Variants in ATP8A2 observed in about 807,000 individuals in gnomAD.
ATP8A2 encodes the protein ATPase phospholipid transporting 8A2.
In ATP8A2, 100 loss-of-function variants were observed where a neutral mutation model predicts 165.6. The ratio of observed to expected loss-of-function variants is 0.60; its 90% CI spans 0.51 to 0.71. The LOEUF is 0.71. ATP8A2 is among the 30% of genes least tolerant of loss of function. The pLI is 0.00. For synonymous variants in ATP8A2, 543 were observed against 548.8 expected (o/e 0.99, Z 0.15); for missense variants, 1,227 against 1,479.5 (o/e 0.83, Z 2.80).
In ATP8A2 at chr13:25,563,937, T is replaced by A; in HGVS notation, c.1398-19T>A. On this transcript the variant is annotated intron_variant, in intron 15 of 36. Transcript: ENST00000381655. ...AGAAACTTTTAAATTGAATAAATTT[T>A]CTCTGTTCTCTCTTACAGTCGGATG... is the stretch of plus-strand genomic sequence containing the variant. The A allele has an allele frequency of 2.5e-6, 4 of 1,579,572 alleles. No individual in the cohort carries two copies. Among genetic ancestry groups the A allele is most frequent in the Non-Finnish European group, 3.5e-6 (4 of 1,148,902 alleles).
intron 35 of ATP8A2, among the ~76,000 whole-genome samples, chr13:25,991,855 G>T (rs914055514): frequency 1.3e-5 from 2 of 150,410 alleles, no homozygotes; most frequent in Admixed American, 1.3e-4. Flanking sequence ...TGGGATAAAT[G>T]TCCAGGAGTG....
At chr13:25,990,912 T>C (rs1281827213) in intron 35 of ATP8A2, among the ~76,000 whole-genome samples, 2 of 152,178 alleles carry the variant, frequency 1.3e-5, no homozygotes, top group African/African-American at 4.8e-5. Context: ...CTAATTTATC[T>C]GTTCCTAGCA....
intron 15 of ATP8A2, 77 bp downstream of exon 15, chr13:25,559,842 T>G (rs542987189): frequency 1.7e-6 from 2 of 1,148,054 alleles, no homozygotes; most frequent in Middle Eastern, 2.0e-4. Flanking sequence ...TTCATTTACA[T>G]TTTTAGAGAC....
chr13:25,978,065 C>T (rs1355407817), intron 35 of ATP8A2, among the ~76,000 whole-genome samples: 1 of 152,132 alleles, frequency 6.6e-6, no homozygotes, highest in African/African-American at 2.4e-5. Context: ...ATTCTCAGTT[C>T]CAAACAAAAC....
chr13:25,822,130 G>T (rs1194046916), intron 27 of ATP8A2, among the ~76,000 whole-genome samples: 1 of 151,996 alleles, frequency 6.6e-6, no homozygotes, highest in African/African-American at 2.4e-5. Flanking sequence ...AGTGCATGGG[G>T]ACTTATATTT....
At chr13:25,626,045 C>CA (rs1375612128) in intron 24 of ATP8A2, among the ~76,000 whole-genome samples, 4 of 151,954 alleles carry the variant, frequency 2.6e-5, no homozygotes, top group Admixed American at 1.3e-4. Context: ...TGTGCCTTTC[C>CA]AAAAAAGAAG....
At chr13:25,465,895 G>T (rs2035655651) in intron 1 of ATP8A2, among the ~76,000 whole-genome samples, 1 of 151,092 alleles carries the variant, frequency 6.6e-6, no homozygotes, top group African/African-American at 2.4e-5. Flanking sequence ...AAAGTGTTGG[G>T]ATTACAGGCA....
In ATP8A2 at chr13:25,633,425, C is replaced by CAG. The variant is rs1200600263; in HGVS notation, c.2211+43736_2211+43737dup. Among the ~76,000 whole-genome samples the CAG allele has an allele frequency of 2.6e-5, 4 of 152,214 alleles. No individual in the cohort carries two copies. The East Asian group carries it at 7.7e-4, about 29-fold the overall frequency. On this transcript the variant is annotated intron_variant, in intron 24 of 36. Coordinates refer to ENST00000381655, the MANE Select transcript of ATP8A2 (RefSeq NM_016529.6). ...TACTTTTCAGCCTTACCTTCCTTTACAGAGAGAGAGATAAAGAGAGCAAGA... is the reference window on the plus strand; with the variant it reads ...TACTTTTCAGCCTTACCTTCCTTTACAGAGAGAGAGAGATAAAGAGAGCAAGA...
intron 24 of ATP8A2, among the ~76,000 whole-genome samples, chr13:25,681,880 C>CAAACGATG (rs2042495282): frequency 6.6e-6 from 1 of 152,046 alleles, no homozygotes; most frequent in Non-Finnish European, 1.5e-5. Context: ...TAGTTGAGAA[C>CAAACGATG]AAACGAAGAC....
rs577951553 is a variant in ATP8A2 at position 25,987,759 on chromosome 13, G to T, written c.3377+19080G>T. 5.9e-5 allele frequency among the ~76,000 whole-genome samples: 9 copies of T among 152,294 alleles called. No individual in the cohort carries two copies. In the East Asian group the frequency reaches 1.7e-3, roughly 29 times the overall value. On this transcript the variant is annotated intron_variant, in intron 35 of 36. Transcript: ENST00000381655. Reference sequence around the variant, plus strand: ...TTCGCATAACACCAGATAACTGAATGCTAATTTTCCTTTCCATTTACCTTA... The same window carrying T: ...TTCGCATAACACCAGATAACTGAATTCTAATTTTCCTTTCCATTTACCTTA...
intron 25 of ATP8A2, among the ~76,000 whole-genome samples, chr13:25,719,694 C>A (rs577311807): frequency 6.6e-6 from 1 of 152,342 alleles, no homozygotes; most frequent in South Asian, 2.1e-4. Flanking sequence ...AAAATCATCC[C>A]CTGGCAGCAA....
intron 33 of ATP8A2, among the ~76,000 whole-genome samples, chr13:25,947,637 G>A (rs537187494): frequency 2.0e-5 from 3 of 152,192 alleles, no homozygotes; most frequent in Non-Finnish European, 4.4e-5. Flanking sequence ...TTCACTCTGT[G>A]TGATGGAGGC....
In ATP8A2 at chr13:25,574,729, CTG is replaced by C. The variant is rs1375168856; in HGVS notation, c.1663-77_1663-76del. The C allele has an allele frequency of 4.8e-6, 4 of 828,778 alleles. No homozygotes were observed. The Admixed American group carries it at 5.4e-5, about 11-fold the overall frequency. 51.3% of individuals were successfully genotyped at this position (828,778 alleles called of 1,614,324 possible). ...AGAGAGAGAGAGAGCATATATATGTCTGTTTATGCTTGGGAGACAATTGCTTT... is the reference window on the plus strand; with the variant it reads ...AGAGAGAGAGAGAGCATATATATGTCTTTATGCTTGGGAGACAATTGCTTT... On this transcript the variant is annotated intron_variant, in intron 18 of 36. Coordinates refer to ENST00000381655, the MANE Select transcript of ATP8A2 (RefSeq NM_016529.6).
chr13:25,468,864 C>G, intron 1 of ATP8A2, 113 bp from the exon 2 acceptor site: 1 of 1,525,008 alleles, frequency 6.6e-7, no homozygotes, highest in Non-Finnish European at 8.8e-7. Context: ...GTCCGCCTCA[C>G]CCGAGCATCC....
intron 23 of ATP8A2, among the ~76,000 whole-genome samples, chr13:25,583,764 C>A (rs2039842368): frequency 1.3e-5 from 2 of 152,180 alleles, no homozygotes; most frequent in South Asian, 4.1e-4. Flanking sequence ...CTGCTCTGAG[C>A]CTTATGAGAT....
chr13:25,675,974 C>T (rs1053763176), intron 24 of ATP8A2, among the ~76,000 whole-genome samples: 9 of 152,000 alleles, frequency 5.9e-5, no homozygotes, highest in African/African-American at 2.2e-4. Flanking sequence ...GTATTGGAGA[C>T]CCCAAATATC....
At chr13:25,388,625 C>T (rs77015225) in intron 1 of ATP8A2, among the ~76,000 whole-genome samples, 8,424 of 152,212 alleles carry the variant, frequency 0.055, 432 homozygotes, top group South Asian at 0.14. Context: ...ATAACATAAC[C>T]GATCAGGTCA....
At chr13:25,693,908 C>A (rs2042781789) in intron 24 of ATP8A2, among the ~76,000 whole-genome samples, 1 of 150,856 alleles carries the variant, frequency 6.6e-6, no homozygotes, top group African/African-American at 2.4e-5. Context: ...CTCTGTTGCC[C>A]ATTTGGAATG....
In ATP8A2 at chr13:25,484,819, A is replaced by G. The variant is rs145870801; in HGVS notation, c.221+15698A>G. Among the ~76,000 whole-genome samples, 81 of 152,316 alleles carry G rather than the reference A, an allele frequency of 5.3e-4. 1 individual carries two copies. Among genetic ancestry groups the G allele is most frequent in the African/African-American group, 1.7e-3 (70 of 41,582 alleles). On this transcript the variant is annotated intron_variant, in intron 2 of 36. Transcript: ENST00000381655. The stretch of plus-strand genomic sequence containing the variant: ...GGCGTGAGCGACCGCAACCGGCAGG[A>G]ATATTCTTTAAATTATTGAATAAAA...
Sources: allele counts gnomAD v4.1 joint callset (sites outside exome capture counted in the v4.1 genomes callset), GRCh38; gene constraint gnomAD v4.1.1; transcripts MANE v1.5; gene names NCBI Gene and HGNC (gene_info 2026-07-23, HGNC 2026-07-21).